DSG1: variants seen among roughly 807,000 people sequenced by gnomAD.
DSG1 encodes the protein desmoglein-1.
Under a neutral mutation model 97.5 loss-of-function variants are expected in DSG1, and 39 were observed. The observed-to-expected ratio is 0.40, with a 90% CI of 0.31 to 0.52. The LOEUF (loss-of-function observed/expected upper bound fraction) is 0.52, where lower values mean the gene tolerates loss of function less well. DSG1 is among the 20% of genes least tolerant of loss of function. DSG1 has a pLI of 0.53. For missense variants in DSG1, 1,311 were observed against 1,295.4 expected (o/e 1.01, Z -0.18); for synonymous variants, 475 against 443.4 (o/e 1.07, Z -0.90).
rs1301673348 is a variant in DSG1 at position 31,356,841 on chromosome 18, T to A, written c.*1495T>A. ...AATGTCCTATTTATGATATATCATT[T>A]CTGTGTGTTTGCTATGTAGTATTAC... On this transcript the variant is annotated 3_prime_UTR_variant, in exon 15 of 15. Coordinates refer to ENST00000257192, the MANE Select transcript of DSG1 (RefSeq NM_001942.4). 6.6e-6 allele frequency: 1 copy of A among 152,164 alleles called. No individual in the cohort carries two copies. Among genetic ancestry groups the A allele is most frequent in the Non-Finnish European group, 1.5e-5 (1 of 68,014 alleles). The allele number at this position is 152,164 out of a possible 1,614,324, so 9.4% of individuals were successfully genotyped here.
In DSG1 at chr18:31,354,329, A is replaced by G. The variant is rs1015865128; in HGVS notation, c.2133A>G (p.Gly711=). ...ATGCTTACGCAGATGAAGATGAAGGACGCCCATCTAATGACTGTTTGCTCA... is the reference window on the plus strand; with the variant it reads ...ATGCTTACGCAGATGAAGATGAAGGGCGCCCATCTAATGACTGTTTGCTCA... ...KAYAYADEDE[G]RPSNDCLLIY... The change falls in exon 15 of 15, where the codon GGA becomes GGG. Residue 711 remains glycine (G), a synonymous_variant. Transcript: ENST00000257192. The G allele has an allele frequency of 6.2e-7, 1 of 1,614,078 alleles. No homozygotes were observed. The highest frequency in any genetic ancestry group is 1.3e-5 in the African/African-American group (1 of 74,926).
chr18:31,329,324 A>G (rs2071706329), intron 4 of DSG1, among the ~76,000 whole-genome samples: 1 of 152,032 alleles, frequency 6.6e-6, no homozygotes. Context: ...AAACCCCACC[A>G]GTCCGTATCC....
chr18:31,354,116 C>A (rs1391235204), intron 14 of DSG1, 181 bp from the exon 15 acceptor site: 2 of 612,528 alleles, frequency 3.3e-6, no homozygotes, highest in African/African-American at 3.7e-5. Context: ...AAAATGATTT[C>A]TAACCAAATT....
chr18:31,345,821 T>C (rs1298073147), intron 13 of DSG1, among the ~76,000 whole-genome samples, 169 bp from the exon 14 acceptor site: 2 of 152,216 alleles, frequency 1.3e-5, no homozygotes, highest in African/African-American at 4.8e-5. Context: ...ATAATATTAT[T>C]TTGAGTTCAA....
In DSG1 at chr18:31,355,121, C is replaced by G; in HGVS notation, c.2925C>G (p.Gly975=). Residue 975 remains glycine, a synonymous_variant, in exon 15 of 15, where the codon GGC becomes GGG. Coordinates refer to ENST00000257192, the MANE Select transcript of DSG1 (RefSeq NM_001942.4). ...CCACTGGGATCAGCGGTGGCATAGG[C>G]AGCAGTGGCCTGGTTGGCACCAGCA... ...SGTTGISGGI[G]SSGLVGTSMG... 6.2e-7 allele frequency: 1 copy of G among 1,613,368 alleles called. No individual in the cohort carries two copies. Among genetic ancestry groups the G allele is most frequent in the Admixed American group, 1.7e-5 (1 of 60,024 alleles).
rs200563471 is a variant in DSG1, at chr18:31,343,632, G to A, written c.1821+49G>A. The stretch of plus-strand genomic sequence containing the variant: ...AGCCGTTGGTAGTCACTGAAATTCA[G>A]TCTTTACACATGAACCAAGATGGCC... On this transcript the variant is annotated intron_variant, in intron 12 of 14. Coordinates refer to ENST00000257192, the MANE Select transcript of DSG1 (RefSeq NM_001942.4). 3 of 1,613,882 alleles carry A rather than the reference G, an allele frequency of 1.9e-6. No individual in the cohort carries two copies. In the East Asian group the frequency reaches 6.7e-5, roughly 36 times the overall value.
chr18:31,326,054 CAT>C (rs549539244), intron 1 of DSG1, among the ~76,000 whole-genome samples: 9 of 151,924 alleles, frequency 5.9e-5, no homozygotes, highest in African/African-American at 2.2e-4. Flanking sequence ...ATAATAAAAA[CAT>C]TATCTTTTTA....
At chr18:31,334,233 T>G (rs2071738414) in intron 8 of DSG1, 31 bp downstream of exon 8, 1 of 1,450,242 alleles carries the variant, frequency 6.9e-7, no homozygotes, top group East Asian at 2.3e-5. Flanking sequence ...ATATTTTGTT[T>G]TCTTAATCTT....
In DSG1 at chr18:31,356,870, A is replaced by C. The variant is rs10502568; in HGVS notation, c.*1524A>C. ...TGTGTTTGCTATGTAGTATTACCCA[A>C]TTAAAAATCTCTAAAAAGAATTAAA... is the stretch of plus-strand genomic sequence containing the variant. On this transcript the variant is annotated 3_prime_UTR_variant, in exon 15 of 15. Transcript: ENST00000257192. 6.6e-6 allele frequency: 1 copy of C among 152,022 alleles called. No homozygotes were observed. The highest frequency in any genetic ancestry group is 2.4e-5 in the African/African-American group (1 of 41,404). 9.4% of individuals were successfully genotyped at this position (152,022 alleles called of 1,614,324 possible).
intron 12 of DSG1, 75 bp downstream of exon 12, chr18:31,343,658 G>A (rs112958941): frequency 1.2e-4 from 193 of 1,595,808 alleles, no homozygotes; most frequent in Middle Eastern, 6.6e-4. Flanking sequence ...CAAGATGGCC[G>A]CCATCACTCA....
chr18:31,325,110 G>C (rs919466023), intron 1 of DSG1, among the ~76,000 whole-genome samples: 4 of 152,180 alleles, frequency 2.6e-5, no homozygotes, highest in African/African-American at 9.7e-5. Context: ...TCTAGACTCT[G>C]AGCAACAGAA....
At chr18:31,354,237 G>C in intron 14 of DSG1, 60 bp from the exon 15 acceptor site, 2 of 1,442,262 alleles carry the variant, frequency 1.4e-6, no homozygotes, top group Non-Finnish European at 2.0e-6. Context: ...GATAAAGGCT[G>C]TTCTATTATT....
chr18:31,354,258 C>A (rs2071930436), intron 14 of DSG1, 39 bp from the exon 15 acceptor site: 2 of 1,533,058 alleles, frequency 1.3e-6, no homozygotes, highest in Non-Finnish European at 1.8e-6. Context: ...GTTAAATATG[C>A]ATTCATAATT....
intron 1 of DSG1, among the ~76,000 whole-genome samples, chr18:31,324,141 G>A (rs1300397530): frequency 6.6e-6 from 1 of 151,422 alleles, no homozygotes; most frequent in African/African-American, 2.4e-5. Context: ...GCACCACGAC[G>A]CCCAGCTAAT....
At chr18:31,320,554 C>T (rs941243281) in intron 1 of DSG1, among the ~76,000 whole-genome samples, 1 of 152,180 alleles carries the variant, frequency 6.6e-6, no homozygotes, top group Non-Finnish European at 1.5e-5. Flanking sequence ...AGGAGCTGCT[C>T]TTACAGCAAT....
chr18:31,342,106 G>A (rs142126388), intron 11 of DSG1, among the ~76,000 whole-genome samples: 10,742 of 151,830 alleles, frequency 0.071, 458 homozygotes, highest in Middle Eastern at 0.1. Context: ...GCTAATTTTT[G>A]TATTTTTAGT....
intron 3 of DSG1, among the ~76,000 whole-genome samples, chr18:31,327,677 C>T (rs2071694634): frequency 6.6e-6 from 1 of 152,138 alleles, no homozygotes; most frequent in Non-Finnish European, 1.5e-5. Context: ...ATACACCCTT[C>T]CCATTTTCAG....
chr18:31,336,322 A>G (rs749517226), intron 8 of DSG1, 32 bp from the exon 9 acceptor site: 3 of 1,591,784 alleles, frequency 1.9e-6, no homozygotes, highest in Admixed American at 3.4e-5. Flanking sequence ...TTATTTTCTT[A>G]TAATGAAACT....
chr18:31,326,655 A>G, intron 2 of DSG1, 39 bp downstream of exon 2: 2 of 1,528,640 alleles, frequency 1.3e-6, no homozygotes, highest in Non-Finnish European at 1.8e-6. Flanking sequence ...ATTTTTAAAC[A>G]AGAAAATAAT....
Sources: allele counts gnomAD v4.1 joint callset (sites outside exome capture counted in the v4.1 genomes callset), GRCh38; gene constraint gnomAD v4.1.1; transcripts MANE v1.5; gene names NCBI Gene and HGNC (gene_info 2026-07-23, HGNC 2026-07-21).